Variants in ABCA10 observed in about 807,000 individuals in gnomAD.
ABCA10 encodes the protein ATP binding cassette subfamily A member 10.
ABCA10 carries 169 observed loss-of-function variants against 187.5 expected under a neutral mutation model. The ratio of observed to expected loss-of-function variants is 0.90; its 90% CI spans 0.80 to 1.02. The LOEUF is 1.02. Ranked by LOEUF, ABCA10 falls within the 50% of genes least tolerant of loss-of-function variation. The probability of loss-of-function intolerance (pLI) is 0.00; values close to 1 mark genes in which losing one functional copy is unlikely to be tolerated. For missense variants in ABCA10, 1,727 were observed against 1,812.4 expected (o/e 0.95, Z 0.86); for synonymous variants, 574 against 601.8 (o/e 0.95, Z 0.68).
rs1400181437 is a variant in ABCA10, at chr17:69,175,527, A to G, written c.2770-14T>C. 1.3e-6 allele frequency: 2 copies of G among 1,568,300 alleles called. No homozygotes were observed. Among genetic ancestry groups the G allele is most frequent in the Middle Eastern group, 1.7e-4 (1 of 5,928 alleles). ...CACTATGTCATCCTGAAAGATGAAA[A>G]CACATCAGTAAGCTGTTGCAATTGT... On this transcript the variant is annotated splice_polypyrimidine_tract_variant and intron_variant, in intron 22 of 38. Coordinates refer to ENST00000690296, the MANE Select transcript of ABCA10 (RefSeq NM_001377321.1).
At chr17:69,238,747 G>A (rs2074887066) in intron 1 of ABCA10, among the ~76,000 whole-genome samples, 1 of 152,160 alleles carries the variant, frequency 6.6e-6, no homozygotes, top group South Asian at 2.1e-4. Context: ...ATCATTTGCA[G>A]GGTCCCTCCT....
chr17:69,222,475 A>C, intron 4 of ABCA10, 58 bp downstream of exon 4: 1 of 1,353,212 alleles, frequency 7.4e-7, no homozygotes. Context: ...CAGTCATTCC[A>C]AACAGGGGAT....
At chr17:69,201,057 A>G (rs553958387) in intron 10 of ABCA10, among the ~76,000 whole-genome samples, 2 of 152,352 alleles carry the variant, frequency 1.3e-5, no homozygotes, top group African/African-American at 4.8e-5. Context: ...GCTAGATCAT[A>G]TAGTTTAACT....
At chr17:69,221,648 CATGTGACAGCTT>C in intron 5 of ABCA10, 132 bp downstream of exon 5, 1 of 683,568 alleles carries the variant, frequency 1.5e-6, no homozygotes, top group Non-Finnish European at 2.4e-6. Flanking sequence ...GAGATATTCC[CATGTGACAGCTT>C]TTGTTTTCTC....
chr17:69,155,946 C>A, intron 28 of ABCA10, 21 bp from the exon 29 acceptor site: 1 of 1,601,072 alleles, frequency 6.2e-7, no homozygotes, highest in Non-Finnish European at 8.5e-7. Context: ...AATAAAATAA[C>A]ATAAAAATGC....
intron 27 of ABCA10, among the ~76,000 whole-genome samples, chr17:69,161,526 G>C (rs148663381): frequency 5.3e-5 from 8 of 152,260 alleles, no homozygotes; most frequent in African/African-American, 1.9e-4. Context: ...TAATGTGGTG[G>C]GATGTGACGA....
At chr17:69,185,452 A>C in intron 20 of ABCA10, 25 bp downstream of exon 20, 2 of 1,586,288 alleles carry the variant, frequency 1.3e-6, no homozygotes, top group Non-Finnish European at 1.7e-6. Flanking sequence ...AAAAACTCAC[A>C]CTAAATTTCA....
chr17:69,205,457 A>G (rs1944917845), intron 9 of ABCA10, among the ~76,000 whole-genome samples: 1 of 152,256 alleles, frequency 6.6e-6, no homozygotes, highest in Non-Finnish European at 1.5e-5. Context: ...ATAAAAAGCA[A>G]ATATCTCTTC....
In ABCA10 at chr17:69,182,828, G is replaced by T; in HGVS notation, c.2498-20C>A. ...TTGATCCTAACATAGTGGAAGGAAG[G>T]CAACAAGAAAAAAAAAAAAAAAGCA... On this transcript the variant is annotated intron_variant, in intron 20 of 38. Transcript: ENST00000690296. 1.4e-6 allele frequency: 2 copies of T among 1,446,204 alleles called. No individual in the cohort carries two copies. Among genetic ancestry groups the T allele is most frequent in the African/African-American group, 2.1e-5 (1 of 46,876 alleles). The allele number at this position is 1,446,204 out of a possible 1,614,324, so 89.6% of individuals were successfully genotyped here. A position where few individuals can be genotyped will look rare whatever the true frequency, so the allele number is the denominator to read the frequency against.
intron 22 of ABCA10, among the ~76,000 whole-genome samples, chr17:69,179,973 T>G (rs972693905): frequency 1.4e-4 from 21 of 152,224 alleles, no homozygotes; most frequent in African/African-American, 5.1e-4. Flanking sequence ...AGTTGCAAGA[T>G]AATTTTTATG....
chr17:69,179,786 A>T (rs1181833105), intron 22 of ABCA10, among the ~76,000 whole-genome samples: 1 of 151,964 alleles, frequency 6.6e-6, no homozygotes, highest in Non-Finnish European at 1.5e-5. Context: ...TGAGGGGAAA[A>T]CCCCAAATAC....
At chr17:69,154,080 A>G in intron 31 of ABCA10, 71 bp from the exon 32 acceptor site, 1 of 1,542,004 alleles carries the variant, frequency 6.5e-7, no homozygotes, top group Non-Finnish European at 8.7e-7. Flanking sequence ...AAAGGAGATA[A>G]AAGTGGCCAT....
At chr17:69,211,318 T>TAC (rs1256903079) in intron 9 of ABCA10, among the ~76,000 whole-genome samples, 1 of 3,336 alleles carries the variant, frequency 3.0e-4, no homozygotes, top group Non-Finnish European at 8.7e-4. Context: ...ATATATGATA[T>TAC]ATATATATAT....
At chr17:69,241,707 T>C (rs2074904268) in intron 1 of ABCA10, among the ~76,000 whole-genome samples, 1 of 152,222 alleles carries the variant, frequency 6.6e-6, no homozygotes, top group African/African-American at 2.4e-5. Context: ...AGAGTCCTTA[T>C]CTCCCTCCCC....
Position 69,148,867 on chromosome 17 carries a change from G to GT in ABCA10, c.4591dup (p.Thr1531AsnfsTer4). The GT allele has an allele frequency of 6.2e-7, 1 of 1,613,420 alleles. No homozygotes were observed. The highest frequency in any genetic ancestry group is 2.2e-5 in the East Asian group (1 of 44,862). On this transcript the variant is annotated frameshift_variant, in exon 39 of 39. Transcript: ENST00000690296. LOFTEE classifies it low-confidence loss of function (END_TRUNC). ...TGGGAGAAGTTTCCATTCAACTGTT[G>GT]TATCAATTTTATCATCAACATTTCC... is the stretch of plus-strand genomic sequence containing the variant.
chr17:69,194,609 A>G, intron 11 of ABCA10, 114 bp from the exon 12 acceptor site: 1 of 621,362 alleles, frequency 1.6e-6, no homozygotes, highest in Non-Finnish European at 2.7e-6. Context: ...GTATTTTAAT[A>G]CATCCCCTAT....
intron 19 of ABCA10, 36 bp downstream of exon 19, chr17:69,187,645 A>G (rs1482062558): frequency 6.3e-7 from 1 of 1,578,360 alleles, no homozygotes; most frequent in Non-Finnish European, 8.6e-7. Context: ...TTTTTCATAT[A>G]CTGACCAAAT....
chr17:69,192,443 A>G (rs1261140016), intron 16 of ABCA10, 120 bp downstream of exon 16: 4 of 799,488 alleles, frequency 5.0e-6, no homozygotes, highest in Non-Finnish European at 7.8e-6. Flanking sequence ...TGAGCTGTTT[A>G]TTGCAAAACA....
At chr17:69,233,765 C>A (rs747627556), upstream of ABCA10, 16 of 152,242 alleles carry the variant, frequency 1.1e-4, no homozygotes, top group Non-Finnish European at 2.4e-4. Flanking sequence ...GAGCCCAAGA[C>A]CAGTACAGCT....
Sources: gnomAD v4.1 joint callset for allele counts (sites outside exome capture counted in the v4.1 genomes callset) on GRCh38, gnomAD v4.1.1 for gene constraint, MANE v1.5 for transcripts, NCBI Gene and HGNC (gene_info 2026-07-23, HGNC 2026-07-21) for gene names.